The following PLEC variants were observed in gnomAD, a reference collection of about 807,000 sequenced individuals.
PLEC encodes hemidesmosomal protein 1.
PLEC carries 216 observed loss-of-function variants against 392.8 expected under a neutral mutation model. The observed-to-expected ratio is 0.55, with a 90% CI of 0.49 to 0.62. The LOEUF is 0.62. Among genes scored for constraint, PLEC ranks in the 20% least tolerant of loss-of-function variants. The probability of loss-of-function intolerance (pLI) is 0.00; values close to 1 mark genes in which losing one functional copy is unlikely to be tolerated. For synonymous variants in PLEC, 3,621 were observed against 2,980.6 expected, an observed-to-expected ratio of 1.21 and a Z score of -7.00; for missense variants, 6,863 against 6,563.4, an observed-to-expected ratio of 1.05 and a Z score of -1.58.
chr8:143,921,941 G>T lies in PLEC; in HGVS notation c.7880C>A (p.Pro2627His). ...GCCATCAAGTGCATCCCGGCCATTG[G>T]GCAGGGTCTTTGTGGCAGCCACCTG... ...ASQVAATKTL[P>H]NGRDALDGPA... Residue 2627 changes from proline to histidine, a missense_variant, in exon 32 of 32, where the codon CCC (proline) becomes CAC (histidine). By Grantham distance (77) the Pro-to-His change is moderately conservative. Transcript: ENST00000345136. 6.3e-7 allele frequency: 1 copy of T among 1,599,346 alleles called. No individual in the cohort carries two copies. Among genetic ancestry groups the T allele is most frequent in the Non-Finnish European group, 8.5e-7 (1 of 1,179,806 alleles).
intron 8 of PLEC, 29 bp downstream of exon 8, chr8:143,934,982 G>GC (rs782217551): frequency 6.2e-7 from 1 of 1,611,124 alleles, no homozygotes; most frequent in Non-Finnish European, 8.5e-7. Context: ...CCAGGCCCAA[G>GC]CCCCCTGCCC....
At chr8:143,926,691 G>A in intron 30 of PLEC, 93 bp downstream of exon 30, 1 of 1,039,880 alleles carries the variant, frequency 9.6e-7, no homozygotes, top group Non-Finnish European at 1.5e-6. Flanking sequence ...AGGGCCACGA[G>A]AGGTGGCCTC....
In PLEC at chr8:143,920,458, C is replaced by T. The variant is rs782216573; in HGVS notation, c.9363G>A (p.Lys3121=). Residue 3121 remains lysine, a synonymous_variant, in exon 32 of 32, where the codon AAG becomes AAA. Coordinates refer to ENST00000345136, the MANE Select transcript of PLEC (RefSeq NM_201384.3). ...CCTGCTCCCGGGGAATGAGGCCCTT[C>T]TTCAGGGCCTGGAACAGGGAGACGC... ...GQSVSLFQAL[K]KGLIPREQGL... is the part of the protein sequence containing the mutation. 1.6e-5 allele frequency: 26 copies of T among 1,602,042 alleles called. No individual in the cohort carries two copies. The South Asian group carries it at 2.0e-4, about 12-fold the overall frequency.
chr8:143,965,458 C>T (rs1833043811), intron 1 of PLEC, among the ~76,000 whole-genome samples: 1 of 101,030 alleles, frequency 9.9e-6, no homozygotes, highest in South Asian at 3.0e-4. Flanking sequence ...CCGGCCCATG[C>T]CCCATTTTGG....
rs782517203 is a variant in PLEC, at chr8:143,925,185, G to A, written c.4744C>T (p.Arg1582Cys). The A allele has an allele frequency of 4.6e-5, 73 of 1,578,640 alleles. No individual in the cohort carries two copies. Among genetic ancestry groups the A allele is most frequent in the African/African-American group, 1.2e-4 (9 of 74,442 alleles). The change falls in exon 31 of 32, where the codon CGC (arginine) becomes TGC (cysteine). Residue 1582 changes from arginine to cysteine, a missense_variant. Arg to Cys is a radical substitution (Grantham distance 180, BLOSUM62 -3). Coordinates refer to ENST00000345136, the MANE Select transcript of PLEC (RefSeq NM_201384.3). Reference sequence around the variant, plus strand: ...GCCGTCTTCTCGGCGAAGGAGGCGCGTTTGCTCTGCAGCTCCGCCTCTGCA... The same window carrying A: ...GCCGTCTTCTCGGCGAAGGAGGCGCATTTGCTCTGCAGCTCCGCCTCTGCA... Reference protein sequence around the residue: ...RSAEAELQSKRASFAEKTAQL... With the variant: ...RSAEAELQSKCASFAEKTAQL...
chr8:143,943,828 G>A (rs782113154), upstream of PLEC: 37 of 1,612,216 alleles, frequency 2.3e-5, no homozygotes, highest in South Asian at 3.4e-4. Flanking sequence ...GCCACACAGC[G>A]GCCAGGGTGA....
rs1390244634 is a variant in PLEC at position 143,946,492 on chromosome 8, C to G, written c.523+3692G>C. 3.4e-6 allele frequency: 3 copies of G among 894,348 alleles called. No homozygotes were observed. In the African/African-American group the frequency reaches 5.2e-5, roughly 16 times the overall value. 55.4% of individuals were successfully genotyped at this position (894,348 alleles called of 1,614,324 possible). On this transcript the variant is annotated intron_variant, in intron 1 of 31. Transcript: ENST00000322810. The stretch of plus-strand genomic sequence containing the variant: ...AGGCAGAGGGAGGGCCCACTCATGC[C>G]CTGGTAGCAGCGGCTCCTCCTCGCA...
rs373221825 is a variant in PLEC at position 143,919,843 on chromosome 8, G to C, written c.9978C>G (p.Ala3326=). 4 of 1,613,032 alleles carry C rather than the reference G, an allele frequency of 2.5e-6. No individual in the cohort carries two copies. The highest frequency in any genetic ancestry group is 3.4e-6 in the Non-Finnish European group (4 of 1,180,050). The change falls in exon 32 of 32, where the codon GCC becomes GCG. Residue 3326 remains alanine, a synonymous_variant. Transcript: ENST00000345136. ...ELLASGVLSR[A]QFEQLKDGKT... is the part of the protein sequence containing the mutation. ...TGCCGTCCTTGAGCTGCTCAAACTG[G>C]GCTCTGCTGAGGACCCCGGAAGCCA...
Position 143,919,893 on chromosome 8 carries a change from C to A in PLEC, c.9928G>T (p.Ala3310Ser), listed in dbSNP as rs2857808. 5.0e-6 allele frequency: 8 copies of A among 1,612,966 alleles called. No homozygotes were observed. Among genetic ancestry groups the A allele is most frequent in the Non-Finnish European group, 6.8e-6 (8 of 1,180,012 alleles). The change falls in exon 32 of 32, where the codon GCC becomes TCC. Residue 3310 changes from alanine (A) to serine (S), a missense_variant. By Grantham distance (99) the Ala-to-Ser change is moderately conservative. Transcript: ENST00000345136. The part of the protein sequence containing the change: ...QERLSFSGLR[A>S]PVPASELLAS... ...AGGAGCTCGCTGGCTGGCACAGGGGCACGGAGGCCGCTGAAGGACAGCCTC... is the reference window on the plus strand; with the variant it reads ...AGGAGCTCGCTGGCTGGCACAGGGGAACGGAGGCCGCTGAAGGACAGCCTC...
chr8:143,961,807 T>G (rs1832885054), intron 1 of PLEC, among the ~76,000 whole-genome samples: 1 of 152,212 alleles, frequency 6.6e-6, no homozygotes, highest in South Asian at 2.1e-4. Flanking sequence ...TAACACACAC[T>G]AAAGAACACT....
upstream of PLEC, among the ~76,000 whole-genome samples, chr8:143,943,507 T>G (rs1219787366): frequency 6.6e-6 from 1 of 152,192 alleles, no homozygotes; most frequent in African/African-American, 2.4e-5. Flanking sequence ...CAGGCCTCCC[T>G]TCGTGTGGGG....
In PLEC at chr8:143,973,354, G is replaced by A; in HGVS notation, c.70+49C>T. 6.5e-7 allele frequency: 1 copy of A among 1,541,812 alleles called. No individual in the cohort carries two copies. The highest frequency in any genetic ancestry group is 2.5e-5 in the East Asian group (1 of 39,970). The stretch of plus-strand genomic sequence containing the variant: ...ACCGTGGACGACAAGGTGCTCGGCG[G>A]CTGGGCTGTCAGGAGCGGCCCGACA... On this transcript the variant is annotated intron_variant, in intron 1 of 31. Coordinates refer to the PLEC transcript ENST00000356346. The surrounding 1 kb of genome is among the most constrained non-coding windows in gnomAD (Gnocchi z 5.6).
chr8:143,961,230 C>CTT (rs370018306), intron 1 of PLEC, among the ~76,000 whole-genome samples: 35 of 147,128 alleles, frequency 2.4e-4, no homozygotes, highest in Middle Eastern at 3.5e-3. Context: ...CCAGAAATTC[C>CTT]TTTTTTTTTT....
chr8:143,938,825 A>T, intron 1 of PLEC, 133 bp from the exon 2 acceptor site: 1 of 785,310 alleles, frequency 1.3e-6, no homozygotes, highest in Non-Finnish European at 2.2e-6. Context: ...CTCAGATCAC[A>T]CACTGAGACC....
At chr8:143,962,505 G>A (rs1262589406) in intron 1 of PLEC, among the ~76,000 whole-genome samples, 3 of 152,324 alleles carry the variant, frequency 2.0e-5, no homozygotes, top group African/African-American at 4.8e-5. Flanking sequence ...CCTCTGTGAC[G>A]AATATCTGAA....
At position 143,920,301 on chromosome 8, in the gene PLEC, G is replaced by A. The variant is rs1822133197; in HGVS notation, c.9520C>T (p.Pro3174Ser). The change falls in exon 32 of 32, where the codon CCA becomes TCA. Residue 3174 changes from proline to serine, a missense_variant. Coordinates refer to ENST00000345136, the MANE Select transcript of PLEC (RefSeq NM_201384.3). Reference sequence around the variant, plus strand: ...CTGTAGGCCTTGGCGTCGGCCCTTGGTGCCGACAGGGCCCTGCTGGTCTCC... The same window carrying A: ...CTGTAGGCCTTGGCGTCGGCCCTTGATGCCGACAGGGCCCTGCTGGTCTCC... ...DEETSRALSAPRADAKAYSDP... is the reference protein window; with the variant it reads ...DEETSRALSASRADAKAYSDP... 1 of 1,590,518 alleles carries A rather than the reference G, an allele frequency of 6.3e-7. No homozygotes were observed. The highest frequency in any genetic ancestry group is 2.3e-5 in the East Asian group (1 of 44,284).
chr8:143,943,748 C>T (rs1830934931), upstream of PLEC: 1 of 1,601,808 alleles, frequency 6.2e-7, no homozygotes, highest in African/African-American at 1.3e-5. Flanking sequence ...TGCCCCGCCT[C>T]GAGTCCCTGG....
upstream of PLEC, among the ~76,000 whole-genome samples, chr8:143,956,076 CA>C (rs1832573948): frequency 6.6e-6 from 1 of 151,898 alleles, no homozygotes; most frequent in Non-Finnish European, 1.5e-5. Flanking sequence ...TCAGCCTCTG[CA>C]GCTGGGACTA....
In PLEC at chr8:143,919,860, C is replaced by T. The variant is rs34132016; in HGVS notation, c.9961G>A (p.Gly3321Arg). The change falls in exon 32 of 32, where the codon GGG becomes AGG. Residue 3321 changes from glycine (G) to arginine (R), a missense_variant. Physicochemically the swap from Gly to Arg is moderately radical, Grantham distance 125. Coordinates refer to ENST00000345136, the MANE Select transcript of PLEC (RefSeq NM_201384.3). ...PVPASELLAS[G>R]VLSRAQFEQL... ...TCAAACTGGGCTCTGCTGAGGACCC[C>T]GGAAGCCAGGAGCTCGCTGGCTGGC... The T allele has an allele frequency of 7.0e-3, 11,288 of 1,613,144 alleles. 45 individuals are homozygous for T. Among genetic ancestry groups the T allele is most frequent in the Non-Finnish European group, 8.5e-3 (10,088 of 1,180,032 alleles).
Sources: allele counts gnomAD v4.1 joint callset (sites outside exome capture counted in the v4.1 genomes callset), GRCh38; gene constraint gnomAD v4.1.1; non-coding constraint Gnocchi (gnomAD v3.1); transcripts MANE v1.5; gene names NCBI Gene and HGNC (gene_info 2026-07-23, HGNC 2026-07-21).